TRHDE: variants seen among roughly 807,000 people sequenced by gnomAD.
TRHDE encodes the protein thyrotropin releasing hormone degrading enzyme.
In TRHDE, 72 loss-of-function variants were observed where a neutral mutation model predicts 125.7. That is an observed-to-expected ratio of 0.57 (90% CI 0.47 to 0.70). The LOEUF (loss-of-function observed/expected upper bound fraction) is 0.70, where lower values mean the gene tolerates loss of function less well. Among genes scored for constraint, TRHDE ranks in the 30% least tolerant of loss-of-function variants. TRHDE has a pLI of 0.00. For synonymous variants in TRHDE, 509 were observed against 509.1 expected (o/e 1.00, Z 0.00); for missense variants, 1,110 against 1,327.1 (o/e 0.84, Z 2.54).
chr12:72,105,266 A>G (rs1345098806), intron 1 of TRHDE, among the ~76,000 whole-genome samples: 1 of 152,144 alleles, frequency 6.6e-6, no homozygotes, highest in Non-Finnish European at 1.5e-5. Context: ...GCATGGCTCA[A>G]GTGGTTGGGG....
At chr12:72,647,591 G>A (rs997391491) in intron 15 of TRHDE, among the ~76,000 whole-genome samples, 4 of 151,828 alleles carry the variant, frequency 2.6e-5, no homozygotes, top group Non-Finnish European at 4.4e-5. Context: ...TGAAGGAGTA[G>A]ATATTACAAC....
chr12:72,613,250 T>C (rs1407001322), intron 12 of TRHDE, among the ~76,000 whole-genome samples: 1 of 152,196 alleles, frequency 6.6e-6, no homozygotes, highest in Non-Finnish European at 1.5e-5. Context: ...TCACTGGCTG[T>C]AAAGCTATTT....
At chr12:72,215,766 C>T (rs1038809119) in intron 2 of TRHDE, among the ~76,000 whole-genome samples, 3 of 152,054 alleles carry the variant, frequency 2.0e-5, no homozygotes, top group Non-Finnish European at 2.9e-5. Context: ...CACTGGATGG[C>T]GGCAGTGACA....
chr12:72,208,067 T>C (rs1375800000), intron 2 of TRHDE, among the ~76,000 whole-genome samples: 1 of 152,200 alleles, frequency 6.6e-6, no homozygotes, highest in Non-Finnish European at 1.5e-5. Flanking sequence ...TGGGCTTTAC[T>C]AGGCCTGTGT....
chr12:72,498,713 T>C (rs1878019040), intron 5 of TRHDE, among the ~76,000 whole-genome samples: 1 of 152,144 alleles, frequency 6.6e-6, no homozygotes, highest in Admixed American at 6.5e-5. Flanking sequence ...ACTTTTTCCT[T>C]AGTTTATTTT....
intron 4 of TRHDE, among the ~76,000 whole-genome samples, chr12:72,471,305 G>GCTC (rs900229164): frequency 6.6e-6 from 1 of 152,134 alleles, no homozygotes. Flanking sequence ...GATGACTGGG[G>GCTC]CTCCTAGTCT....
At chr12:72,427,933 A>G (rs1874259698) in intron 3 of TRHDE, among the ~76,000 whole-genome samples, 1 of 152,178 alleles carries the variant, frequency 6.6e-6, no homozygotes, top group South Asian at 2.1e-4. Flanking sequence ...AGGAAAACTC[A>G]CATTCCTAGG....
At chr12:72,471,676 C>A (rs566987254) in intron 4 of TRHDE, among the ~76,000 whole-genome samples, 10 of 152,304 alleles carry the variant, frequency 6.6e-5, no homozygotes, top group Middle Eastern at 3.4e-3. Flanking sequence ...GAGAAACATG[C>A]ATTTTTTATT....
chr12:72,114,141 T>A (rs1360785589), intron 2 of TRHDE, among the ~76,000 whole-genome samples: 3 of 121,292 alleles, frequency 2.5e-5, no homozygotes, highest in Middle Eastern at 4.3e-3. Flanking sequence ...TGCCAGGGGC[T>A]CCTGGATCTA....
chr12:72,634,658 C>T (rs1873649183), intron 15 of TRHDE, among the ~76,000 whole-genome samples: 3 of 144,898 alleles, frequency 2.1e-5, no homozygotes, highest in Non-Finnish European at 3.0e-5. Context: ...CCCCTCCCCC[C>T]AACCCACAAC....
chr12:72,217,807 G>GA (rs1340872647), intron 2 of TRHDE, among the ~76,000 whole-genome samples: 1 of 152,024 alleles, frequency 6.6e-6, no homozygotes, highest in Non-Finnish European at 1.5e-5. Flanking sequence ...AACCACCCAA[G>GA]TTTTTTACTA....
At chr12:72,102,424 C>G (rs1307423524) in intron 1 of TRHDE, among the ~76,000 whole-genome samples, 2 of 152,194 alleles carry the variant, frequency 1.3e-5, no homozygotes, top group African/African-American at 4.8e-5. Flanking sequence ...TCATTGAATA[C>G]TCAAATAACT....
chr12:72,320,443 T>A (rs1179254149), intron 2 of TRHDE, among the ~76,000 whole-genome samples: 2 of 152,086 alleles, frequency 1.3e-5, no homozygotes, highest in Admixed American at 1.3e-4. Context: ...AATCTGTACA[T>A]GTTCAGTGCA....
intron 12 of TRHDE, among the ~76,000 whole-genome samples, chr12:72,593,465 C>A (rs1871780998): frequency 6.6e-6 from 1 of 151,614 alleles, no homozygotes; most frequent in Non-Finnish European, 1.5e-5. Context: ...CTCATTGGGA[C>A]AATAATGAAT....
intron 2 of TRHDE, among the ~76,000 whole-genome samples, chr12:72,151,162 T>A (rs1185353671): frequency 6.6e-6 from 1 of 152,218 alleles, no homozygotes; most frequent in Non-Finnish European, 1.5e-5. Context: ...ATGGTGAGCA[T>A]TTTTTCATGT....
intron 2 of TRHDE, among the ~76,000 whole-genome samples, chr12:72,139,390 G>A (rs1222536838): frequency 2.0e-5 from 3 of 152,004 alleles, no homozygotes; most frequent in African/African-American, 7.3e-5. Flanking sequence ...AGTCATACTT[G>A]CATGACTTTA....
chr12:72,236,139 A>G (rs1431312684), intron 2 of TRHDE, among the ~76,000 whole-genome samples: 1 of 152,162 alleles, frequency 6.6e-6, no homozygotes, highest in Admixed American at 6.5e-5. Flanking sequence ...ACGTAGCCTC[A>G]TGGTTTTTCT....
At chr12:72,269,224 T>C (rs892549375), upstream of TRHDE, among the ~76,000 whole-genome samples, 1 of 152,094 alleles carries the variant, frequency 6.6e-6, no homozygotes, top group African/African-American at 2.4e-5. Context: ...GCTATATATT[T>C]TCAGAAATTA....
At chr12:72,415,586 T>C (rs1380628861) in intron 3 of TRHDE, among the ~76,000 whole-genome samples, 1 of 151,190 alleles carries the variant, frequency 6.6e-6, no homozygotes, top group East Asian at 1.9e-4. Flanking sequence ...ACTGTCTCTC[T>C]CCATGAGTTC....
Sources: allele counts gnomAD v4.1 joint callset (sites outside exome capture counted in the v4.1 genomes callset), GRCh38; gene constraint gnomAD v4.1.1; transcripts MANE v1.5; gene names NCBI Gene and HGNC (gene_info 2026-07-23, HGNC 2026-07-21).